Variants in ZNG1A observed in about 807,000 individuals in gnomAD.
The protein encoded by ZNG1A is zinc-regulated GTPase metalloprotein activator 1A.
At chr9:165,964 C>T in the ZNG1A span, 1 of 142,788 alleles carries the variant, frequency 7.0e-6, no homozygotes, top group East Asian at 2.0e-4. Context: ...AAATAGTTTA[C>T]AAAATCCTAA....
chr9:132,722 A>G, the ZNG1A span, among the ~76,000 whole-genome samples: 1 of 54,204 alleles, frequency 1.8e-5, no homozygotes, highest in African/African-American at 9.4e-5. Context: ...TGCCAATTCA[A>G]TATTTGAGAA....
At chr9:168,689 G>C in the ZNG1A span, among the ~76,000 whole-genome samples, 11 of 147,728 alleles carry the variant, frequency 7.4e-5, no homozygotes, top group African/African-American at 2.9e-4. Flanking sequence ...AGAGGCTAAA[G>C]CAGCTGGTGA....
chr9:174,854 G>T, the ZNG1A span, among the ~76,000 whole-genome samples: 6 of 150,212 alleles, frequency 4.0e-5, no homozygotes, highest in African/African-American at 1.2e-4. Context: ...CTATTTTTTT[G>T]ACTACAGTTT....
At chr9:176,173 G>T in the ZNG1A span, among the ~76,000 whole-genome samples, 4 of 137,312 alleles carry the variant, frequency 2.9e-5, no homozygotes, top group Admixed American at 7.4e-5. Context: ...TATGAAATGG[G>T]GAATAGAGCC....
chr9:161,706 G>C, the ZNG1A span: 1 of 867,432 alleles, frequency 1.2e-6, no homozygotes, highest in Non-Finnish European at 1.7e-6. Context: ...TACTTTTAAA[G>C]ATCTTACTAA....
the ZNG1A span, among the ~76,000 whole-genome samples, chr9:157,291 T>C: frequency 5.3e-5 from 8 of 149,928 alleles, no homozygotes; most frequent in East Asian, 1.6e-3. Flanking sequence ...TGTCTGTTTT[T>C]TTTTTTTTCC....
chr9:159,512 C>T, the ZNG1A span, among the ~76,000 whole-genome samples: 1 of 152,172 alleles, frequency 6.6e-6, no homozygotes, highest in African/African-American at 2.4e-5. Flanking sequence ...ATGTAATTCA[C>T]ACATTGTATA....
the ZNG1A span, among the ~76,000 whole-genome samples, chr9:140,009 C>T: frequency 7.6e-4 from 114 of 150,552 alleles, 5 homozygotes; most frequent in Middle Eastern, 3.4e-3. Context: ...CTCGGAGGGT[C>T]CCACGCCCAC....
At chr9:154,410 G>C in the ZNG1A span, 1 of 486,414 alleles carries the variant, frequency 2.1e-6, no homozygotes, top group African/African-American at 2.0e-5. Flanking sequence ...CCTGGGTAAA[G>C]TTAGGGAAGA....
chr9:142,072 G>A, the ZNG1A span, among the ~76,000 whole-genome samples: 7 of 144,704 alleles, frequency 4.8e-5, no homozygotes, highest in African/African-American at 1.9e-4. Context: ...AAGAGACTTA[G>A]ACTCCCACAC....
the ZNG1A span, chr9:173,437 C>T: frequency 1.9e-6 from 3 of 1,604,832 alleles, 1 homozygote. Context: ...ATGAGGATAA[C>T]TCAATAATGG....
chr9:153,853 T>G, the ZNG1A span: 28 of 151,584 alleles, frequency 1.8e-4, no homozygotes, highest in African/African-American at 6.5e-4. Flanking sequence ...ATACTAAGAA[T>G]AGTAATTTTG....
the ZNG1A span, chr9:146,193 A>G: frequency 6.3e-7 from 1 of 1,583,720 alleles, no homozygotes; most frequent in Non-Finnish European, 8.5e-7. Flanking sequence ...GCAGTTGGAA[A>G]TTCTGTGAAA....
the ZNG1A span, among the ~76,000 whole-genome samples, chr9:176,963 A>G: frequency 2.6e-5 from 4 of 152,186 alleles, no homozygotes; most frequent in African/African-American, 9.7e-5. Flanking sequence ...GAGCTTAGAA[A>G]TATCAAGGGA....
chr9:155,823 G>A, the ZNG1A span, among the ~76,000 whole-genome samples: 1 of 150,714 alleles, frequency 6.6e-6, no homozygotes, highest in Non-Finnish European at 1.5e-5. Context: ...CTTAAGTTCA[G>A]CCAGGCACAG....
the ZNG1A span, among the ~76,000 whole-genome samples, chr9:174,834 G>A: frequency 6.6e-6 from 1 of 150,734 alleles, no homozygotes; most frequent in African/African-American, 2.5e-5. Context: ...CAGAAGTATT[G>A]TGTCTAGAGC....
At chr9:146,448 A>G in the ZNG1A span, 2 of 285,102 alleles carry the variant, frequency 7.0e-6, no homozygotes, top group African/African-American at 4.8e-5. Flanking sequence ...AACTTTTCCA[A>G]GCAGCTTATT....
chr9:129,675 T>G, the ZNG1A span, among the ~76,000 whole-genome samples: 3 of 146,246 alleles, frequency 2.1e-5, no homozygotes, highest in East Asian at 2.1e-4. Context: ...AGACGAAAAT[T>G]GGGGGGGGCT....
At chr9:165,195 T>G in the ZNG1A span, among the ~76,000 whole-genome samples, 1 of 152,104 alleles carries the variant, frequency 6.6e-6, no homozygotes, top group Non-Finnish European at 1.5e-5. Context: ...TGATTTTAAT[T>G]AATGAGGGGG....
Sources: gnomAD v4.1 joint callset for allele counts (sites outside exome capture counted in the v4.1 genomes callset) on GRCh38, gnomAD v4.1.1 for gene constraint, MANE v1.5 for transcripts, NCBI Gene and HGNC (gene_info 2026-07-23, HGNC 2026-07-21) for gene names.